POU6F2: variants seen among roughly 807,000 people sequenced by gnomAD.
POU6F2 encodes the protein POU domain, class 6, transcription factor 2.
In POU6F2, 31 loss-of-function variants were observed where a neutral mutation model predicts 71.3. That is an observed-to-expected ratio of 0.43 (90% confidence interval 0.33 to 0.59). The LOEUF (loss-of-function observed/expected upper bound fraction) is 0.59, where lower values mean the gene tolerates loss of function less well. POU6F2 is among the 20% of genes least tolerant of loss of function. The pLI, the probability that POU6F2 is intolerant of heterozygous loss-of-function variation, is 0.04. For missense variants in POU6F2, 783 were observed against 856.8 expected (o/e 0.91, Z 1.07); for synonymous variants, 347 against 355.7 (o/e 0.98, Z 0.27).
At chr7:39,031,423 A>T (rs1366004453) in intron 1 of POU6F2, among the ~76,000 whole-genome samples, 1 of 152,216 alleles carries the variant, frequency 6.6e-6, no homozygotes, top group Non-Finnish European at 1.5e-5. Context: ...AAATTAAAAC[A>T]ATGTCAGTGA....
In POU6F2 at chr7:39,321,225, C is replaced by G. The variant is rs144086497; in HGVS notation, c.599-18417C>G. Among the ~76,000 whole-genome samples the G allele has an allele frequency of 3.1e-3, 466 of 152,280 alleles. 1 individual carries two copies. The highest frequency in any genetic ancestry group is 6.8e-3 in the Middle Eastern group (2 of 294). On this transcript the variant is annotated intron_variant, in intron 4 of 9. Coordinates refer to ENST00000518318, the MANE Select transcript of POU6F2 (RefSeq NM_001370959.1). ...AGAAAAACCACAAGATAAGGGGGCA[C>G]TATTGTGTGTACCATAACCAGGGCA...
chr7:39,315,930 T>C (rs1785258737), intron 4 of POU6F2, among the ~76,000 whole-genome samples: 1 of 152,324 alleles, frequency 6.6e-6, no homozygotes, highest in Non-Finnish European at 1.5e-5. Flanking sequence ...GGTTTTTCTT[T>C]TTGATATACT....
At chr7:39,041,026 T>C (rs1208957085) in intron 1 of POU6F2, among the ~76,000 whole-genome samples, 2 of 151,964 alleles carry the variant, frequency 1.3e-5, no homozygotes, top group Non-Finnish European at 2.9e-5. Context: ...ATGGTTAGTG[T>C]TCACCTCATG....
intron 2 of POU6F2, among the ~76,000 whole-genome samples, chr7:39,104,722 A>T (rs924060759): frequency 6.6e-6 from 1 of 152,256 alleles, no homozygotes; most frequent in African/African-American, 2.4e-5. Flanking sequence ...TCTACTTTTG[A>T]TAAGTGTCAA....
rs151157378 is a variant in POU6F2 at position 39,318,650 on chromosome 7, A to C, written c.599-20992A>C. ...TTAGGAAAAAAACAAAGCAAGGCTC[A>C]GTTCCTCTGAGGTTAGTGCAATCAC... On this transcript the variant is annotated intron_variant, in intron 4 of 9. Coordinates refer to ENST00000518318, the MANE Select transcript of POU6F2 (RefSeq NM_001370959.1). 1.8e-3 allele frequency among the ~76,000 whole-genome samples: 280 copies of C among 152,320 alleles called. 3 individuals carry two copies. Among genetic ancestry groups the C allele is most frequent in the African/African-American group, 5.9e-3 (244 of 41,566 alleles).
intron 2 of POU6F2, among the ~76,000 whole-genome samples, chr7:39,183,455 G>A (rs572220537): frequency 6.6e-6 from 1 of 152,288 alleles, no homozygotes; most frequent in South Asian, 2.1e-4. Flanking sequence ...AAGAGAGAGA[G>A]AAGGGGGAGG....
intron 3 of POU6F2, among the ~76,000 whole-genome samples, chr7:39,206,568 C>A (rs1272237643): frequency 2.0e-5 from 3 of 152,194 alleles, no homozygotes; most frequent in Non-Finnish European, 4.4e-5. Context: ...TAACAATAAT[C>A]ATTCAAGTTT....
intron 1 of POU6F2, among the ~76,000 whole-genome samples, chr7:39,052,712 G>A (rs1291276442): frequency 6.6e-6 from 1 of 152,136 alleles, no homozygotes; most frequent in African/African-American, 2.4e-5. Flanking sequence ...TATATCTAAT[G>A]GCAAAGCCTA....
chr7:39,427,623 G>A (rs1399894122), intron 6 of POU6F2, among the ~76,000 whole-genome samples: 4 of 152,040 alleles, frequency 2.6e-5, no homozygotes, highest in African/African-American at 4.8e-5. Context: ...TGATGCTAGC[G>A]TTAACAAAAA....
At chr7:39,005,850 T>G (rs146910466) in intron 1 of POU6F2, among the ~76,000 whole-genome samples, 8 of 152,150 alleles carry the variant, frequency 5.3e-5, no homozygotes, top group African/African-American at 1.2e-4. Context: ...CCAGAAACAA[T>G]TGGACCTTTT....
At chr7:39,459,126 A>G (rs1788880597) in intron 8 of POU6F2, among the ~76,000 whole-genome samples, 1 of 152,206 alleles carries the variant, frequency 6.6e-6, no homozygotes, top group Admixed American at 6.5e-5. Context: ...CCCTCCCTCC[A>G]TTCCAGACTC....
At chr7:39,299,771 T>A (rs1275450420) in intron 4 of POU6F2, among the ~76,000 whole-genome samples, 1 of 152,206 alleles carries the variant, frequency 6.6e-6, no homozygotes, top group Non-Finnish European at 1.5e-5. Context: ...AAAGGGCCTT[T>A]GCTGATGTCA....
intron 8 of POU6F2, among the ~76,000 whole-genome samples, chr7:39,455,256 C>T (rs985442447): frequency 6.6e-6 from 1 of 152,034 alleles, no homozygotes; most frequent in South Asian, 2.1e-4. Context: ...TTTCTAAACA[C>T]CTAAGCTCTA....
At chr7:39,068,732 A>G (rs1328481984) in intron 1 of POU6F2, among the ~76,000 whole-genome samples, 2 of 152,128 alleles carry the variant, frequency 1.3e-5, no homozygotes, top group Non-Finnish European at 2.9e-5. Context: ...TTCTATTTAG[A>G]AGTTACTACA....
At chr7:39,109,314 G>T (rs537784886) in intron 2 of POU6F2, among the ~76,000 whole-genome samples, 84 of 152,300 alleles carry the variant, frequency 5.5e-4, no homozygotes, top group African/African-American at 2.0e-3. Flanking sequence ...GGGATTATAG[G>T]TGTGAGTCAC....
At chr7:39,372,826 A>G (rs1242063699) in intron 5 of POU6F2, among the ~76,000 whole-genome samples, 3 of 152,238 alleles carry the variant, frequency 2.0e-5, no homozygotes, top group Non-Finnish European at 4.4e-5. Flanking sequence ...CTTATGGGCC[A>G]TACCAAAACA....
At chr7:39,243,802 A>G (rs1783767958) in intron 4 of POU6F2, among the ~76,000 whole-genome samples, 1 of 152,052 alleles carries the variant, frequency 6.6e-6, no homozygotes. Context: ...AATCCATCTG[A>G]TTTGTCTCTT....
intron 1 of POU6F2, among the ~76,000 whole-genome samples, chr7:38,995,060 A>C (rs1167281224): frequency 6.6e-6 from 1 of 152,232 alleles, no homozygotes; most frequent in Non-Finnish European, 1.5e-5. Flanking sequence ...ATGCATATTC[A>C]TTATATTGAC....
At chr7:39,329,942 A>G (rs1359689261) in intron 4 of POU6F2, among the ~76,000 whole-genome samples, 1 of 152,254 alleles carries the variant, frequency 6.6e-6, no homozygotes, top group Non-Finnish European at 1.5e-5. Context: ...TTATAATATA[A>G]AATGTAGCCA....
Sources: allele counts gnomAD v4.1 joint callset (sites outside exome capture counted in the v4.1 genomes callset), GRCh38; gene constraint gnomAD v4.1.1; transcripts MANE v1.5; gene names NCBI Gene and HGNC (gene_info 2026-07-23, HGNC 2026-07-21).